GASK1B: variants seen among roughly 807,000 people sequenced by gnomAD.
GASK1B encodes Golgi-associated kinase 1B.
A neutral mutation model predicts 42.8 loss-of-function variants in GASK1B; 34 were observed. The ratio of observed to expected loss-of-function variants is 0.79; its 90% CI spans 0.60 to 1.06. The LOEUF is 1.06. Ranked by LOEUF, GASK1B falls within the 50% of genes least tolerant of loss-of-function variation. The probability of loss-of-function intolerance (pLI) is 0.00; values close to 1 mark genes in which losing one functional copy is unlikely to be tolerated. For synonymous variants in GASK1B, 262 were observed against 259.1 expected, an observed-to-expected ratio of 1.01 and a Z score of -0.11; for missense variants, 686 against 661.0, an observed-to-expected ratio of 1.04 and a Z score of -0.42.
chr4:158,127,765 A>T, intron 4 of GASK1B, 151 bp from the exon 5 acceptor site: 1 of 646,540 alleles, frequency 1.5e-6, no homozygotes, highest in Non-Finnish European at 2.6e-6. Context: ...CCAAGATGAC[A>T]CTTCTCTTAA....
At chr4:158,148,201 G>C (rs575830106) in intron 3 of GASK1B, among the ~76,000 whole-genome samples, 11 of 152,244 alleles carry the variant, frequency 7.2e-5, no homozygotes, top group Admixed American at 6.5e-4. Context: ...GGAACAGAGC[G>C]AGACCCTGTC....
rs1372077040 is a variant in GASK1B, at chr4:158,125,830, A to G, written c.*1577T>C. 6.6e-6 allele frequency: 1 copy of G among 152,148 alleles called. No homozygotes were observed. The highest frequency in any genetic ancestry group is 1.5e-5 in the Non-Finnish European group (1 of 68,014). 9.4% of individuals were successfully genotyped at this position (152,148 alleles called of 1,614,324 possible). A position where few individuals can be genotyped will look rare whatever the true frequency, so the allele number is the denominator to read the frequency against. The stretch of plus-strand genomic sequence containing the variant: ...CAAATGATCTCTCTCTCCTTGGTCC[A>G]TCTTCTCTTATACTTAAAACATTAT... On this transcript the variant is annotated 3_prime_UTR_variant, in exon 5 of 5. Transcript: ENST00000585682.
At chr4:158,133,507 C>G (rs1730763823) in intron 3 of GASK1B, among the ~76,000 whole-genome samples, 1 of 152,060 alleles carries the variant, frequency 6.6e-6, no homozygotes, top group Non-Finnish European at 1.5e-5. Flanking sequence ...TATAACAAAA[C>G]CATGAATATC....
intron 2 of GASK1B, 68 bp from the exon 3 acceptor site, chr4:158,155,893 C>A: frequency 7.4e-7 from 1 of 1,352,234 alleles, no homozygotes. Flanking sequence ...TTGAGCAGGT[C>A]GTTCACTCTT....
chr4:158,142,117 T>G (rs2110957905), intron 3 of GASK1B, among the ~76,000 whole-genome samples: 1 of 147,756 alleles, frequency 6.8e-6, no homozygotes, highest in Admixed American at 6.8e-5. Context: ...GCTAATTTTT[T>G]GTATTTTTAG....
Position 158,126,824 on chromosome 4 carries a change from A to G in GASK1B, c.*583T>C, listed in dbSNP as rs1391428119. The G allele has an allele frequency of 6.6e-6, 1 of 152,196 alleles. No individual in the cohort carries two copies. Among genetic ancestry groups the G allele is most frequent in the East Asian group, 1.9e-4 (1 of 5,192 alleles). 9.4% of individuals were successfully genotyped at this position (152,196 alleles called of 1,614,324 possible). On this transcript the variant is annotated 3_prime_UTR_variant, in exon 5 of 5. Transcript: ENST00000585682. ...CTTAAATGACTGATTTTTTATAGAC[A>G]CAATAGAAAATATACTGGTGATTTT...
At chr4:158,144,166 T>C (rs1474285992) in intron 3 of GASK1B, among the ~76,000 whole-genome samples, 1 of 152,164 alleles carries the variant, frequency 6.6e-6, no homozygotes, top group Non-Finnish European at 1.5e-5. Flanking sequence ...GCCCAATAAA[T>C]ACCAAGTTTT....
intron 3 of GASK1B, among the ~76,000 whole-genome samples, chr4:158,154,963 A>G (rs1236763308): frequency 6.6e-6 from 1 of 152,154 alleles, no homozygotes. Flanking sequence ...TAAATAATGT[A>G]CCCATGTAAC....
At position 158,170,626 on chromosome 4, in the gene GASK1B, C is replaced by G. The variant is rs372670389; in HGVS notation, c.750G>C (p.Glu250Asp). Residue 250 changes from glutamate to aspartate, a missense_variant, in exon 2 of 5, where the codon GAG (glutamate) becomes GAC (aspartate). Coordinates refer to ENST00000585682, the MANE Select transcript of GASK1B (RefSeq NM_001128424.2). ...GGAGCACAGCGCCAGGTGCGCCCCC[C>G]TCCAGCACCAGCAAACGGGCTCCGC... ...SRSGARLLVL[E>D]GGAPGAVLRC... The G allele has an allele frequency of 1.2e-6, 2 of 1,613,800 alleles. No individual in the cohort carries two copies. Among genetic ancestry groups the G allele is most frequent in the South Asian group, 1.1e-5 (1 of 91,090 alleles).
At chr4:158,169,920 T>A (rs1311674783) in intron 2 of GASK1B, 4 of 320,172 alleles carry the variant, frequency 1.2e-5, no homozygotes, top group Non-Finnish European at 2.3e-5. Context: ...CAATTTTTGC[T>A]CATTCTTTTT....
chr4:158,171,156 G>A lies in GASK1B; in HGVS notation c.220C>T (p.Arg74Cys). Residue 74 changes from arginine (R) to cysteine (C), a missense_variant, in exon 2 of 5, where the codon CGC (arginine) becomes TGC (cysteine). Transcript: ENST00000585682. The part of the protein sequence containing the change: ...QAAEKGPHRS[R>C]DTAEPSFPEI... ...GGGAAGGATGGCTCGGCGGTGTCGC[G>A]GCTGCGATGTGGCCCCTTCTCAGCC... is the stretch of plus-strand genomic sequence containing the variant. 1.2e-6 allele frequency: 2 copies of A among 1,608,552 alleles called. No homozygotes were observed. Among genetic ancestry groups the A allele is most frequent in the Non-Finnish European group, 1.7e-6 (2 of 1,176,034 alleles).
intron 3 of GASK1B, among the ~76,000 whole-genome samples, chr4:158,153,426 T>C (rs188617587): frequency 6.6e-6 from 1 of 152,300 alleles, no homozygotes; most frequent in East Asian, 1.9e-4. Flanking sequence ...ATGACCATCC[T>C]GCTAAAAGCA....
chr4:158,149,188 C>A (rs890590730), intron 3 of GASK1B, among the ~76,000 whole-genome samples: 1 of 152,140 alleles, frequency 6.6e-6, no homozygotes, highest in Non-Finnish European at 1.5e-5. Context: ...CTCTTTTGAC[C>A]TCATAAAAAT....
At chr4:158,149,891 T>C (rs1034992050) in intron 3 of GASK1B, among the ~76,000 whole-genome samples, 1 of 150,330 alleles carries the variant, frequency 6.7e-6, no homozygotes, top group African/African-American at 2.4e-5. Flanking sequence ...CAATTCTTCA[T>C]GGCAACATCT....
chr4:158,140,535 A>G (rs531972093), intron 3 of GASK1B, among the ~76,000 whole-genome samples: 5 of 152,338 alleles, frequency 3.3e-5, no homozygotes, highest in African/African-American at 1.2e-4. Context: ...TGTTCCTATG[A>G]AAACACTATC....
At chr4:158,166,088 G>A (rs961615026) in intron 2 of GASK1B, among the ~76,000 whole-genome samples, 4 of 152,150 alleles carry the variant, frequency 2.6e-5, no homozygotes, top group Non-Finnish European at 5.9e-5. Flanking sequence ...GGTAACTGCT[G>A]GATCTTATAT....
At chr4:158,138,909 A>G (rs574840576) in intron 3 of GASK1B, among the ~76,000 whole-genome samples, 1 of 152,214 alleles carries the variant, frequency 6.6e-6, no homozygotes, top group African/African-American at 2.4e-5. Context: ...TTACATATAC[A>G]TATAGAATTT....
chr4:158,155,098 C>A (rs2110990694), intron 3 of GASK1B, among the ~76,000 whole-genome samples: 1 of 152,288 alleles, frequency 6.6e-6, no homozygotes, highest in South Asian at 2.1e-4. Flanking sequence ...CCTCCTTATA[C>A]ATTCTTCCCT....
At chr4:158,158,752 G>A (rs2110999842) in intron 2 of GASK1B, among the ~76,000 whole-genome samples, 1 of 152,132 alleles carries the variant, frequency 6.6e-6, no homozygotes, top group African/African-American at 2.4e-5. Flanking sequence ...TAAACAAGTG[G>A]TTGTAACTAT....
Sources: gnomAD v4.1 joint callset for allele counts (sites outside exome capture counted in the v4.1 genomes callset) on GRCh38, gnomAD v4.1.1 for gene constraint, MANE v1.5 for transcripts, NCBI Gene and HGNC (gene_info 2026-07-23, HGNC 2026-07-21) for gene names.